GRAMD1C: variants seen among roughly 807,000 people sequenced by gnomAD.
GRAMD1C encodes protein Aster-C.
GRAMD1C carries 89 observed loss-of-function variants against 97.8 expected under a neutral mutation model. The observed-to-expected ratio is 0.91, with a 90% CI of 0.77 to 1.09. The LOEUF (loss-of-function observed/expected upper bound fraction) is 1.09. GRAMD1C is among the 50% of genes least tolerant of loss of function. The probability of loss-of-function intolerance (pLI) is 0.00; values close to 1 mark genes in which losing one functional copy is unlikely to be tolerated. For synonymous variants in GRAMD1C, 256 were observed against 267.0 expected, an observed-to-expected ratio of 0.96 and a Z score of 0.40; for missense variants, 740 against 766.4, an observed-to-expected ratio of 0.97 and a Z score of 0.41.
intron 5 of GRAMD1C, among the ~76,000 whole-genome samples, chr3:113,882,321 A>C (rs1033374956): frequency 1.3e-5 from 2 of 152,174 alleles, no homozygotes; most frequent in Admixed American, 6.5e-5. Flanking sequence ...CCTTAAATCT[A>C]TCTCTGAAAT....
At chr3:113,884,986 C>T (rs1161168343) in intron 6 of GRAMD1C, among the ~76,000 whole-genome samples, 1 of 145,818 alleles carries the variant, frequency 6.9e-6, no homozygotes, top group African/African-American at 2.6e-5. Context: ...CTTCCCCTTC[C>T]CTCCTGGTCT....
chr3:113,934,111 C>G (rs1937532761), intron 12 of GRAMD1C, among the ~76,000 whole-genome samples: 1 of 152,112 alleles, frequency 6.6e-6, no homozygotes, highest in Non-Finnish European at 1.5e-5. Context: ...TGTATGACCA[C>G]TAGAGATTTT....
rs886425125 is a variant in GRAMD1C, at chr3:113,939,954, A to G, written c.1760A>G (p.Gln587Arg). ...CTGTCAAAGATAGAACATGCTGCTCAGTCCTTTTACCGTCTCCGCCTCCAA... is the reference window on the plus strand; with the variant it reads ...CTGTCAAAGATAGAACATGCTGCTCGGTCCTTTTACCGTCTCCGCCTCCAA... ...LKLSKIEHAAQSFYRLRLQEE... is the reference protein window; with the variant it reads ...LKLSKIEHAARSFYRLRLQEE... The change falls in exon 16 of 18, where the codon CAG (glutamine) becomes CGG (arginine). Residue 587 changes from glutamine (Q) to arginine (R), a missense_variant. Gln to Arg is a conservative substitution (Grantham distance 43, BLOSUM62 1). Transcript: ENST00000358160. The G allele has an allele frequency of 6.2e-7, 1 of 1,609,846 alleles. No homozygotes were observed. Among genetic ancestry groups the G allele is most frequent in the African/African-American group, 1.3e-5 (1 of 74,964 alleles).
At chr3:113,848,535 T>G (rs1933716341) in intron 2 of GRAMD1C, among the ~76,000 whole-genome samples, 1 of 152,020 alleles carries the variant, frequency 6.6e-6, no homozygotes, top group Non-Finnish European at 1.5e-5. Context: ...CCAGACATTG[T>G]GGCTCATGCT....
chr3:113,922,739 G>A (rs186517762), intron 10 of GRAMD1C, among the ~76,000 whole-genome samples: 188 of 152,202 alleles, frequency 1.2e-3, no homozygotes, highest in Non-Finnish European at 1.9e-3. Flanking sequence ...TTTTTGCTTA[G>A]GATCACTTTG....
chr3:113,838,871 T>TGCGCGCGGGGCGGTGCCGC lies in GRAMD1C; in HGVS notation c.-37_-19dup, dbSNP rs1709691304. The TGCGCGCGGGGCGGTGCCGC allele has an allele frequency of 8.2e-7, 1 of 1,226,622 alleles. No homozygotes were observed. Among genetic ancestry groups the TGCGCGCGGGGCGGTGCCGC allele is most frequent in the Non-Finnish European group, 1.0e-6 (1 of 982,754 alleles). The allele number at this position is 1,226,622 out of a possible 1,614,324, so 76.0% of individuals were successfully genotyped here. ...GTGGGCGCGGGGCGGTGCGGTGCGG[T>TGCGCGCGGGGCGGTGCCGC]GCGCGCGGGGCGGTGCCGCGGCGGC... On this transcript the variant is annotated 5_prime_UTR_variant, in exon 1 of 18. Coordinates refer to ENST00000358160, the MANE Select transcript of GRAMD1C (RefSeq NM_017577.5).
chr3:113,854,358 C>A lies in GRAMD1C; in HGVS notation c.174+9709C>A, dbSNP rs151112828. Among the ~76,000 whole-genome samples, 4 of 152,158 alleles carry A rather than the reference C, an allele frequency of 2.6e-5. No individual in the cohort carries two copies. In the East Asian group the frequency reaches 7.7e-4, roughly 29 times the overall value. On this transcript the variant is annotated intron_variant, in intron 2 of 17. Transcript: ENST00000358160. ...TGGATAGAGAAGAGAAGCGGACTCT[C>A]CAATGTTCAAAACTTCAGGTGGTGG... is the stretch of plus-strand genomic sequence containing the variant.
intron 6 of GRAMD1C, among the ~76,000 whole-genome samples, chr3:113,896,339 G>C (rs1281082762): frequency 6.6e-6 from 1 of 151,934 alleles, no homozygotes; most frequent in African/African-American, 2.4e-5. Context: ...TACCTTTCTG[G>C]TATTTCCCTG....
intron 2 of GRAMD1C, among the ~76,000 whole-genome samples, chr3:113,849,125 A>AT (rs1185884110): frequency 6.6e-6 from 1 of 152,096 alleles, no homozygotes; most frequent in Non-Finnish European, 1.5e-5. Context: ...TTTAGTGCAA[A>AT]TTCTTTTAGC....
rs1178073279 is a variant in GRAMD1C at position 113,844,556 on chromosome 3, G to A, written c.81G>A (p.Glu27=). Residue 27 remains glutamate, a synonymous_variant, in exon 2 of 18, where the codon GAG becomes GAA. Transcript: ENST00000358160. ...SLATDLQEDV[E]ENPSPTVEEN... The stretch of plus-strand genomic sequence containing the variant: ...CCACCGACTTACAGGAAGATGTAGA[G>A]GAAAATCCTAGTCCAACTGTGGAAG... 1.7e-5 allele frequency: 28 copies of A among 1,606,220 alleles called. No individual in the cohort carries two copies. Among genetic ancestry groups the A allele is most frequent in the Non-Finnish European group, 2.3e-5 (27 of 1,174,210 alleles).
At chr3:113,903,054 C>G (rs529692485) in intron 7 of GRAMD1C, among the ~76,000 whole-genome samples, 1 of 151,698 alleles carries the variant, frequency 6.6e-6, no homozygotes, top group East Asian at 1.9e-4. Context: ...CAACCTCTGC[C>G]TCCGGGTTCA....
intron 6 of GRAMD1C, among the ~76,000 whole-genome samples, chr3:113,884,807 C>G (rs1935389668): frequency 6.6e-6 from 1 of 151,630 alleles, no homozygotes; most frequent in Non-Finnish European, 1.5e-5. Flanking sequence ...CCACTGCACT[C>G]CAGCCTGGGC....
intron 10 of GRAMD1C, chr3:113,919,562 A>G: frequency 3.5e-6 from 2 of 563,682 alleles, no homozygotes; most frequent in South Asian, 2.8e-5. Flanking sequence ...TATGCAAGTT[A>G]AAAAGCCATA....
chr3:113,856,344 A>T (rs1253204804), intron 2 of GRAMD1C, among the ~76,000 whole-genome samples: 1 of 152,176 alleles, frequency 6.6e-6, no homozygotes, highest in Non-Finnish European at 1.5e-5. Context: ...CCCAATAGTA[A>T]CATCTGTAAA....
intron 9 of GRAMD1C, among the ~76,000 whole-genome samples, chr3:113,911,195 CGA>C (rs149664231): frequency 1.2e-4 from 18 of 149,570 alleles, no homozygotes; most frequent in Non-Finnish European, 8.9e-5. Context: ...CACACGCACA[CGA>C]GAGAGAGAGA....
intron 9 of GRAMD1C, among the ~76,000 whole-genome samples, chr3:113,912,846 GGAAAGA>G (rs764675869): frequency 7.2e-5 from 11 of 152,076 alleles, no homozygotes; most frequent in Non-Finnish European, 1.5e-4. Context: ...AGAGAGAAAG[GGAAAGA>G]GAAAGAGAAA....
intron 10 of GRAMD1C, among the ~76,000 whole-genome samples, chr3:113,917,856 CTTTTTTTT>C (rs71144097): frequency 2.4e-5 from 1 of 41,868 alleles, no homozygotes; most frequent in Non-Finnish European, 4.1e-5. Context: ...CCATGCTTGG[CTTTTTTTT>C]TTTTTTTTTT....
At chr3:113,857,194 A>G (rs764994549) in intron 2 of GRAMD1C, among the ~76,000 whole-genome samples, 7 of 152,114 alleles carry the variant, frequency 4.6e-5, no homozygotes, top group Non-Finnish European at 1.0e-4. Flanking sequence ...TAAAACCCCA[A>G]AAACTCAGTT....
intron 10 of GRAMD1C, among the ~76,000 whole-genome samples, chr3:113,924,577 T>G (rs1013697675): frequency 8.5e-5 from 13 of 152,332 alleles, no homozygotes; most frequent in African/African-American, 3.1e-4. Flanking sequence ...TTGTATGATT[T>G]TTAGTGATCT....
Sources: gnomAD v4.1 joint callset for allele counts (sites outside exome capture counted in the v4.1 genomes callset) on GRCh38, gnomAD v4.1.1 for gene constraint, MANE v1.5 for transcripts, NCBI Gene and HGNC (gene_info 2026-07-23, HGNC 2026-07-21) for gene names.